The following PCDHGA4 variants were observed in gnomAD, a reference collection of about 807,000 sequenced individuals.
PCDHGA4 encodes the protein protocadherin gamma subfamily A, 4.
Under a neutral mutation model 54.6 loss-of-function variants are expected in PCDHGA4, and 38 were observed. The observed-to-expected ratio is 0.70, with a 90% confidence interval of 0.54 to 0.91. The LOEUF (loss-of-function observed/expected upper bound fraction) is 0.91, where lower values mean the gene tolerates loss of function less well. Ranked by LOEUF, PCDHGA4 falls within the 40% of genes least tolerant of loss-of-function variation. PCDHGA4 has a pLI of 0.00. For synonymous variants in PCDHGA4, 511 were observed against 512.9 expected, an observed-to-expected ratio of 1.00 and a Z score of 0.05; for missense variants, 1,298 against 1,220.9, an observed-to-expected ratio of 1.06 and a Z score of -0.94.
chr5:141,442,534 GA>G (rs1156284172), intron 1 of PCDHGA4: 1 of 152,222 alleles, frequency 6.6e-6, no homozygotes, highest in Non-Finnish European at 1.5e-5. Context: ...TCTCCAAGGT[GA>G]AAAATTCTTG....
At chr5:141,500,295 G>A (rs911106966) in intron 2 of PCDHGA4, among the ~76,000 whole-genome samples, 2 of 151,282 alleles carry the variant, frequency 1.3e-5, no homozygotes, top group African/African-American at 4.9e-5. Flanking sequence ...TGCAAGCTCC[G>A]CCTCCCAGGT....
chr5:141,434,650 C>A (rs931043426), intron 1 of PCDHGA4, among the ~76,000 whole-genome samples: 6 of 152,092 alleles, frequency 3.9e-5, no homozygotes, highest in Non-Finnish European at 5.9e-5. Context: ...TTTAGTTAAT[C>A]TAATATCTAT....
chr5:141,403,532 C>A (rs1313886103), intron 1 of PCDHGA4: 1 of 1,613,892 alleles, frequency 6.2e-7, no homozygotes, highest in Non-Finnish European at 8.5e-7. Context: ...AAACCCAGAG[C>A]TGGTGCTGGA....
Position 141,431,628 on chromosome 5 carries a change from A to T in PCDHGA4, c.2515-63179A>T, listed in dbSNP as rs1204083567. The T allele has an allele frequency of 6.2e-7, 1 of 1,614,138 alleles. No individual in the cohort carries two copies. Among genetic ancestry groups the T allele is most frequent in the Non-Finnish European group, 8.5e-7 (1 of 1,180,058 alleles). ...CGGTATGTGGACGACAAGGCGGCCC[A>T]AGTTTTCAAACTAGATTGTAATTCA... On this transcript the variant is annotated intron_variant, in intron 1 of 3. Coordinates refer to ENST00000571252, the MANE Select transcript of PCDHGA4 (RefSeq NM_018917.4). The surrounding 1 kb of genome is among the most constrained non-coding windows in gnomAD (Gnocchi z 4.8).
chr5:141,433,361 ATCT>A, intron 1 of PCDHGA4: 2 of 297,578 alleles, frequency 6.7e-6, no homozygotes, highest in Non-Finnish European at 1.3e-5. Context: ...CTGTCTGCCT[ATCT>A]ATCTATCTAT....
chr5:141,399,300 C>T (rs985419238), intron 1 of PCDHGA4: 3 of 1,613,792 alleles, frequency 1.9e-6, no homozygotes, highest in Non-Finnish European at 2.5e-6. Flanking sequence ...TTAAGATTAT[C>T]TCTTCATCCA....
At chr5:141,441,246 C>G (rs2098234855) in intron 1 of PCDHGA4, 1 of 152,136 alleles carries the variant, frequency 6.6e-6, no homozygotes, top group Non-Finnish European at 1.5e-5. Flanking sequence ...ATCACAAGAT[C>G]TTTAAATCAC....
Position 141,355,770 on chromosome 5 carries a change from G to C in PCDHGA4, c.663G>C (p.Lys221Asn). The change falls in exon 1 of 4, where the codon AAG (lysine) becomes AAC (asparagine). Residue 221 changes from lysine to asparagine, a missense_variant. Lys to Asn is a moderately conservative substitution (Grantham distance 94, BLOSUM62 0). Transcript: ENST00000571252. ...LDVQSGADGI[K>N]YPELVLERAL... ...TGCAAAGTGGGGCCGATGGGATTAA[G>C]TACCCAGAGCTGGTGCTGGAACGCG... 6.2e-7 allele frequency: 1 copy of C among 1,613,888 alleles called. No homozygotes were observed.
At chr5:141,387,510 C>A (rs972550298) in intron 1 of PCDHGA4, among the ~76,000 whole-genome samples, 1 of 152,206 alleles carries the variant, frequency 6.6e-6, no homozygotes, top group Non-Finnish European at 1.5e-5. Context: ...TTTTAGACGT[C>A]ATTAAATATA....
At chr5:141,375,071 A>T in intron 1 of PCDHGA4, 1 of 1,614,046 alleles carries the variant, frequency 6.2e-7, no homozygotes, top group Non-Finnish European at 8.5e-7. Context: ...TCTTCGAGAC[A>T]GAGCGAAAGT....
At position 141,476,002 on chromosome 5, in the gene PCDHGA4, C is replaced by A; in HGVS notation, c.2515-18805C>A. 1 of 1,247,396 alleles carries A rather than the reference C, an allele frequency of 8.0e-7. No individual in the cohort carries two copies. Among genetic ancestry groups the A allele is most frequent in the Non-Finnish European group, 1.1e-6 (1 of 904,880 alleles). 77.3% of individuals were successfully genotyped at this position (1,247,396 alleles called of 1,614,324 possible). ...AGCCGGCGAGCAAATCAACGGCATC[C>A]AGAAAGCCATGTCGGACTCGGCGCC... On this transcript the variant is annotated intron_variant, in intron 1 of 3. Transcript: ENST00000571252. This position sits in a 1 kb window ranked among gnomAD's most constrained non-coding sequence, Gnocchi z 7.6.
intron 1 of PCDHGA4, chr5:141,440,642 A>G (rs1351979857): frequency 6.6e-6 from 1 of 152,234 alleles, no homozygotes; most frequent in African/African-American, 2.4e-5. Context: ...AATTCCTTAC[A>G]AAATTATCAC....
rs769137645 is a variant in PCDHGA4 at position 141,355,852 on chromosome 5, G to C, written c.745G>C (p.Gly249Arg). Reference protein sequence around the residue: ...HHLVLTAFDGGDPVRSGTARI... With the variant: ...HHLVLTAFDGRDPVRSGTARI... Reference sequence around the variant, plus strand: ...CCTCGTTCTCACGGCCTTCGATGGAGGTGACCCGGTTCGCTCTGGCACTGC... The same window carrying C: ...CCTCGTTCTCACGGCCTTCGATGGACGTGACCCGGTTCGCTCTGGCACTGC... The change falls in exon 1 of 4, where the codon GGT becomes CGT. Residue 249 changes from glycine (G) to arginine (R), a missense_variant. Physicochemically the swap from Gly to Arg is moderately radical, Grantham distance 125. Transcript: ENST00000571252. 15 of 1,612,306 alleles carry C rather than the reference G, an allele frequency of 9.3e-6. No individual in the cohort carries two copies. The East Asian group carries it at 3.1e-4, about 34-fold the overall frequency.
At position 141,505,390 on chromosome 5, in the gene PCDHGA4, C is replaced by T; in HGVS notation, c.2574-3C>T. On this transcript the variant is annotated splice_polypyrimidine_tract_variant and splice_region_variant and intron_variant, in intron 2 of 3. Coordinates refer to ENST00000571252, the MANE Select transcript of PCDHGA4 (RefSeq NM_018917.4). ...TGTGCTCACCATCCTACTCTCTCCCCAGCTCCCAAAATGGCGATGACACCG... is the reference window on the plus strand; with the variant it reads ...TGTGCTCACCATCCTACTCTCTCCCTAGCTCCCAAAATGGCGATGACACCG... The T allele has an allele frequency of 6.2e-7, 1 of 1,614,130 alleles. No individual in the cohort carries two copies.
intron 1 of PCDHGA4, chr5:141,392,164 A>C (rs2092476759): frequency 1.3e-5 from 2 of 152,244 alleles, no homozygotes; most frequent in African/African-American, 4.8e-5. Flanking sequence ...ACAATTTCTG[A>C]GTCAGTCATC....
At chr5:141,473,033 G>GGAAA (rs1282468299) in intron 1 of PCDHGA4, among the ~76,000 whole-genome samples, 1 of 146,284 alleles carries the variant, frequency 6.8e-6, no homozygotes, top group African/African-American at 2.5e-5. Flanking sequence ...AAGGAAGGAA[G>GGAAA]GAAAGAAAGA....
chr5:141,439,790 C>G (rs2098131627), intron 1 of PCDHGA4: 2 of 152,248 alleles, frequency 1.3e-5, no homozygotes, highest in Non-Finnish European at 2.9e-5. Flanking sequence ...TTCTATAATC[C>G]AAGAAGAGTT....
intron 1 of PCDHGA4, among the ~76,000 whole-genome samples, chr5:141,373,744 G>A (rs10061034): frequency 6.6e-6 from 1 of 152,096 alleles, no homozygotes; most frequent in Admixed American, 6.5e-5. Context: ...TCATTATCTT[G>A]GGGAGGGAAA....
chr5:141,361,668 C>T (rs923388451), intron 1 of PCDHGA4: 10 of 1,613,670 alleles, frequency 6.2e-6, no homozygotes, highest in Non-Finnish European at 8.5e-6. Context: ...GCGCGCAGAG[C>T]GGGGTGGTGT....
Sources: gnomAD v4.1 joint callset for allele counts (sites outside exome capture counted in the v4.1 genomes callset) on GRCh38, gnomAD v4.1.1 for gene constraint, Gnocchi (gnomAD v3.1) non-coding constraint, MANE v1.5 for transcripts, NCBI Gene and HGNC (gene_info 2026-07-23, HGNC 2026-07-21) for gene names.